DLG2: variants seen among roughly 807,000 people sequenced by gnomAD.
The protein encoded by DLG2 is discs large MAGUK scaffold protein 2.
DLG2 carries 45 observed loss-of-function variants against 132.5 expected under a neutral mutation model. That is an observed-to-expected ratio of 0.34 (90% CI 0.27 to 0.44). DLG2 has a LOEUF of 0.44. DLG2 is among the 20% of genes least tolerant of loss of function. The pLI, the probability that DLG2 is intolerant of heterozygous loss-of-function variation, is 1.00. For missense variants in DLG2, 1,045 were observed against 1,196.9 expected, an observed-to-expected ratio of 0.87 and a Z score of 1.87; for synonymous variants, 424 against 419.6, an observed-to-expected ratio of 1.01 and a Z score of -0.13.
intron 18 of DLG2, among the ~76,000 whole-genome samples, chr11:83,696,169 A>C (rs1427656378): frequency 2.0e-5 from 3 of 152,198 alleles, no homozygotes; most frequent in African/African-American, 7.2e-5. Flanking sequence ...CAATGGCAGC[A>C]GTCCAGGTAG....
rs372502861 is a variant in DLG2 at position 84,655,734 on chromosome 11, G to T, written c.358-121003C>A. ...ACCAAACTGTACTTTGTTTTTTTTT[G>T]TTTGTTTTTTTTTTTTTTCATGGAG... On this transcript the variant is annotated intron_variant, in intron 6 of 27. Transcript: ENST00000376104. Among the ~76,000 whole-genome samples, 1,001 of 131,804 alleles carry T rather than the reference G, an allele frequency of 7.6e-3. 6 individuals carry two copies. Among genetic ancestry groups the T allele is most frequent in the Admixed American group, 0.013 (172 of 13,184 alleles). The allele number at this position is 131,804 out of a possible 152,430, so 86.5% of individuals were successfully genotyped here. A position where few individuals can be genotyped will look rare whatever the true frequency, so the allele number is the denominator to read the frequency against.
Position 83,808,991 on chromosome 11 carries a change from C to A in DLG2, c.1723-22199G>T, listed in dbSNP as rs185281540. The stretch of plus-strand genomic sequence containing the variant: ...GGGCTGTGTCTATTTCCTCCTCCTG[C>A]AGCTGGTCTCACTTGCTTTTTCTTA... On this transcript the variant is annotated intron_variant, in intron 17 of 27. Transcript: ENST00000376104. 1.4e-3 allele frequency among the ~76,000 whole-genome samples: 208 copies of A among 152,226 alleles called. 2 individuals are homozygous for A. The highest frequency in any genetic ancestry group is 4.9e-3 in the African/African-American group (203 of 41,566).
At chr11:84,720,807 C>G (rs539214173) in intron 6 of DLG2, 2 of 152,278 alleles carry the variant, frequency 1.3e-5, no homozygotes, top group South Asian at 2.1e-4. Flanking sequence ...GATTGTCATG[C>G]GAGCTGAAGG....
chr11:85,066,237 A>G (rs955892037), intron 6 of DLG2, among the ~76,000 whole-genome samples: 16 of 151,738 alleles, frequency 1.1e-4, no homozygotes, highest in Admixed American at 4.6e-4. Flanking sequence ...CAACCTCCCA[A>G]GAATGACCAG....
chr11:84,005,942 G>T (rs1430312356), intron 11 of DLG2, among the ~76,000 whole-genome samples: 1 of 151,710 alleles, frequency 6.6e-6, no homozygotes, highest in Non-Finnish European at 1.5e-5. Context: ...AACTAAAAAA[G>T]AACTACTATA....
At chr11:83,855,847 T>A (rs1049188657) in intron 16 of DLG2, among the ~76,000 whole-genome samples, 20 of 151,532 alleles carry the variant, frequency 1.3e-4, no homozygotes, top group East Asian at 5.8e-4. Flanking sequence ...AAAAAAAAAA[T>A]TTTCAGGGAT....
In DLG2 at chr11:84,993,462, G is replaced by A. The variant is rs546151946; in HGVS notation, c.357+118199C>T. Among the ~76,000 whole-genome samples, 10 of 152,330 alleles carry A rather than the reference G, an allele frequency of 6.6e-5. No homozygotes were observed. In the South Asian group the frequency reaches 2.1e-3, roughly 32 times the overall value. Reference sequence around the variant, plus strand: ...GCTTCAGATTTCTTGGCTGAATGCAGCCAGAGTGTCTTTGCAGGAGCAAGA... The same window carrying A: ...GCTTCAGATTTCTTGGCTGAATGCAACCAGAGTGTCTTTGCAGGAGCAAGA... On this transcript the variant is annotated intron_variant, in intron 6 of 27. Coordinates refer to ENST00000376104, the MANE Select transcript of DLG2 (RefSeq NM_001142699.3).
In DLG2 at chr11:85,008,388, G is replaced by A. The variant is rs77490397; in HGVS notation, c.357+103273C>T. Reference sequence around the variant, plus strand: ...TCAAGTAACTATATTTCTCTGAATCGTAGTTTCTGTATTTGTAAAATCAAA... The same window carrying A: ...TCAAGTAACTATATTTCTCTGAATCATAGTTTCTGTATTTGTAAAATCAAA... On this transcript the variant is annotated intron_variant, in intron 6 of 27. Coordinates refer to ENST00000376104, the MANE Select transcript of DLG2 (RefSeq NM_001142699.3). Among the ~76,000 whole-genome samples, 388 of 152,040 alleles carry A rather than the reference G, an allele frequency of 2.6e-3. 1 individual carries two copies. The highest frequency in any genetic ancestry group is 8.7e-3 in the African/African-American group (363 of 41,504).
intron 6 of DLG2, among the ~76,000 whole-genome samples, chr11:85,062,042 AAG>A (rs2064199768): frequency 6.6e-6 from 1 of 151,846 alleles, no homozygotes; most frequent in Admixed American, 6.6e-5. Flanking sequence ...AATTTATAAA[AAG>A]AGGGGTCACT....
chr11:85,268,312 A>G (rs1294590965), intron 4 of DLG2, among the ~76,000 whole-genome samples: 1 of 152,196 alleles, frequency 6.6e-6, no homozygotes, highest in Non-Finnish European at 1.5e-5. Flanking sequence ...ACTTAAAAGA[A>G]TGCAACCATT....
intron 9 of DLG2, among the ~76,000 whole-genome samples, chr11:84,128,947 T>C (rs187930825): frequency 1.7e-3 from 261 of 152,280 alleles, no homozygotes; most frequent in African/African-American, 5.8e-3. Context: ...AGTTGTCAAC[T>C]CGTTTTCTTA....
intron 22 of DLG2, among the ~76,000 whole-genome samples, chr11:83,481,772 T>C (rs73520663): frequency 0.016 from 2,375 of 152,238 alleles, 55 homozygotes; most frequent in African/African-American, 0.054. Flanking sequence ...GTGCATTTCA[T>C]GGAGATTATT....
At chr11:84,990,874 T>C (rs893159679) in intron 6 of DLG2, among the ~76,000 whole-genome samples, 1 of 152,064 alleles carries the variant, frequency 6.6e-6, no homozygotes, top group Non-Finnish European at 1.5e-5. Context: ...TCCTGGTTAT[T>C]TATCCCAGGT....
Position 85,393,627 on chromosome 11 carries a change from A to G in DLG2, c.41-108262T>C, listed in dbSNP as rs539212581. ...TGGTATATATATATATATGGTATGC[A>G]TATGTGTGTGTGTGTGTGTGTGTGT... On this transcript the variant is annotated intron_variant, in intron 3 of 27. Transcript: ENST00000376104. 1.2e-4 allele frequency among the ~76,000 whole-genome samples: 12 copies of G among 101,828 alleles called. No homozygotes were observed. The East Asian group carries it at 2.9e-3, about 24-fold the overall frequency. 66.8% of individuals were successfully genotyped at this position (101,828 alleles called of 152,430 possible).
At chr11:84,608,892 T>C (rs1593635646) in intron 6 of DLG2, among the ~76,000 whole-genome samples, 1 of 152,342 alleles carries the variant, frequency 6.6e-6, no homozygotes, top group East Asian at 1.9e-4. Context: ...GCACTTACTA[T>C]TATCTGCTCC....
At chr11:84,999,115 T>C (rs1182320641) in intron 6 of DLG2, among the ~76,000 whole-genome samples, 1 of 152,080 alleles carries the variant, frequency 6.6e-6, no homozygotes, top group Non-Finnish European at 1.5e-5. Context: ...GGGAGAATGA[T>C]TGGCTCAGAT....
intron 3 of DLG2, among the ~76,000 whole-genome samples, chr11:85,434,357 C>T (rs1276141641): frequency 6.6e-6 from 1 of 150,646 alleles, no homozygotes; most frequent in Admixed American, 6.6e-5. Flanking sequence ...ACACGAAAAA[C>T]CCTTCAAAAA....
chr11:84,772,360 C>A (rs936865690), intron 6 of DLG2, among the ~76,000 whole-genome samples: 1 of 144,480 alleles, frequency 6.9e-6, no homozygotes, highest in Non-Finnish European at 1.5e-5. Flanking sequence ...GATTTCAACA[C>A]ACCACTGACA....
At chr11:84,958,019 T>C (rs1360080437) in intron 6 of DLG2, among the ~76,000 whole-genome samples, 1 of 152,194 alleles carries the variant, frequency 6.6e-6, no homozygotes, top group East Asian at 1.9e-4. Flanking sequence ...AGATGTCTGA[T>C]GGTGGGATAC....
Sources: gnomAD v4.1 joint callset for allele counts (sites outside exome capture counted in the v4.1 genomes callset) on GRCh38, gnomAD v4.1.1 for gene constraint, MANE v1.5 for transcripts, NCBI Gene and HGNC (gene_info 2026-07-23, HGNC 2026-07-21) for gene names.